Variants in ATP13A4 observed in about 807,000 individuals in gnomAD.
The protein encoded by ATP13A4 is probable cation-transporting ATPase 13A4.
A neutral mutation model predicts 142.5 loss-of-function variants in ATP13A4; 114 were observed. That is an observed-to-expected ratio of 0.80 (90% CI 0.69 to 0.93). The LOEUF (loss-of-function observed/expected upper bound fraction) is 0.93, where lower values mean the gene tolerates loss of function less well. Ranked by LOEUF, ATP13A4 falls within the 40% of genes least tolerant of loss-of-function variation. The pLI is 0.00. For missense variants in ATP13A4, 1,392 were observed against 1,454.0 expected (o/e 0.96, Z 0.69); for synonymous variants, 488 against 514.8 (o/e 0.95, Z 0.70).
intron 25 of ATP13A4, among the ~76,000 whole-genome samples, chr3:193,433,065 T>C (rs1294176542): frequency 2.0e-5 from 3 of 152,224 alleles, no homozygotes; most frequent in Admixed American, 6.5e-5. Flanking sequence ...ATGATTGCAA[T>C]TGATGACTGA....
intron 1 of ATP13A4, among the ~76,000 whole-genome samples, chr3:193,588,385 G>A (rs779420308): frequency 2.6e-5 from 4 of 152,134 alleles, no homozygotes; most frequent in Non-Finnish European, 4.4e-5. Flanking sequence ...TCATCCCCTT[G>A]TAATCAGCTT....
At chr3:193,497,633 C>T (rs1216748926) in intron 3 of ATP13A4, among the ~76,000 whole-genome samples, 2 of 152,088 alleles carry the variant, frequency 1.3e-5, no homozygotes, top group African/African-American at 4.8e-5. Flanking sequence ...TATTGCAGTA[C>T]TATTCACAAT....
intron 2 of ATP13A4, among the ~76,000 whole-genome samples, chr3:193,512,254 G>C (rs563953026): frequency 3.3e-5 from 5 of 152,148 alleles, no homozygotes; most frequent in Non-Finnish European, 7.3e-5. Flanking sequence ...TTAAGTTCGC[G>C]TGGAGGGGTT....
chr3:193,567,943 A>ACTTT (rs1355681288), intron 2 of ATP13A4, among the ~76,000 whole-genome samples: 1 of 151,158 alleles, frequency 6.6e-6, no homozygotes, highest in African/African-American at 2.4e-5. Flanking sequence ...AAGCACCACC[A>ACTTT]CTTTCTTTCT....
intron 16 of ATP13A4, among the ~76,000 whole-genome samples, chr3:193,455,165 C>T (rs1479434809): frequency 4.6e-5 from 7 of 151,714 alleles, no homozygotes; most frequent in South Asian, 2.1e-4. Context: ...GGTGAAACCC[C>T]GTCTCTACTA....
chr3:193,438,582 A>C lies in ATP13A4; in HGVS notation c.2565T>G (p.Ala855=), dbSNP rs749807909. Residue 855 remains alanine (A), a splice_region_variant and synonymous_variant, in exon 23 of 30, where the codon GCT becomes GCG. Coordinates refer to ENST00000342695, the MANE Select transcript of ATP13A4 (RefSeq NM_032279.4). The part of the protein sequence containing the change: ...MCGDGANDCG[A]LKMAHVGISL... ...AGATGCCCACATGAGCCATTTTCAG[A>C]GCCTGAAAGCAAAGAATCAGCTTAC... 1 of 1,613,438 alleles carries C rather than the reference A, an allele frequency of 6.2e-7. No individual in the cohort carries two copies.
chr3:193,581,484 C>T (rs7650444), intron 2 of ATP13A4, among the ~76,000 whole-genome samples: 79,642 of 152,002 alleles, frequency 0.52, 21,579 homozygotes, highest in African/African-American at 0.66. Context: ...ATATGTATAG[C>T]GTTTCCACCA....
chr3:193,406,802 T>C (rs1324924019), intron 29 of ATP13A4, among the ~76,000 whole-genome samples: 1 of 151,958 alleles, frequency 6.6e-6, no homozygotes, highest in East Asian at 1.9e-4. Context: ...AAAAGTCAAA[T>C]CCACACAGTC....
chr3:193,436,932 G>C (rs1194873739), intron 23 of ATP13A4, among the ~76,000 whole-genome samples: 1 of 145,066 alleles, frequency 6.9e-6, no homozygotes, highest in Non-Finnish European at 1.5e-5. Flanking sequence ...GCGAAACCCC[G>C]TCTCTACTAA....
At chr3:193,411,175 T>C (rs1039102671) in intron 27 of ATP13A4, 105 bp from the exon 28 acceptor site, 6 of 811,340 alleles carry the variant, frequency 7.4e-6, no homozygotes, top group African/African-American at 1.7e-5. Context: ...ATTTACTTGA[T>C]TTCTACATCC....
intron 21 of ATP13A4, 125 bp downstream of exon 21, chr3:193,440,433 T>C: frequency 1.3e-6 from 2 of 1,526,324 alleles, no homozygotes; most frequent in Non-Finnish European, 1.8e-6. Flanking sequence ...CAAGTGATTA[T>C]CTCATGCAGC....
intron 2 of ATP13A4, among the ~76,000 whole-genome samples, chr3:193,560,988 C>G (rs1365745548): frequency 1.3e-5 from 2 of 152,208 alleles, no homozygotes; most frequent in African/African-American, 4.8e-5. Flanking sequence ...TGGCTAAGCT[C>G]CAATCAGAAA....
At chr3:193,501,760 A>C (rs1720556518) in intron 3 of ATP13A4, among the ~76,000 whole-genome samples, 1 of 152,148 alleles carries the variant, frequency 6.6e-6, no homozygotes, top group Non-Finnish European at 1.5e-5. Flanking sequence ...AATGTTTTTA[A>C]TATGAATGTT....
At position 193,567,418 on chromosome 3, in the gene ATP13A4, G is replaced by T. The variant is rs201154272; in HGVS notation, n.291+14289C>A. 2.6e-5 allele frequency among the ~76,000 whole-genome samples: 4 copies of T among 152,098 alleles called. No individual in the cohort carries two copies. The East Asian group carries it at 7.7e-4, about 29-fold the overall frequency. ...AGTAAATGTATTAAAAATATATTTT[G>T]CTATAGCATCATGTAGTTAAGTTCT... On this transcript the variant is annotated intron_variant and non_coding_transcript_variant, in intron 2 of 3. Transcript: ENST00000489140.
chr3:193,411,193 A>C (rs1341778615), intron 27 of ATP13A4, 123 bp from the exon 28 acceptor site: 2 of 737,352 alleles, frequency 2.7e-6, no homozygotes, highest in African/African-American at 3.4e-5. Context: ...TCCAAATACT[A>C]GATGGAAAGT....
intron 8 of ATP13A4, among the ~76,000 whole-genome samples, chr3:193,481,169 G>A (rs924245915): frequency 2.6e-5 from 4 of 152,208 alleles, no homozygotes; most frequent in African/African-American, 9.6e-5. Context: ...CACACTGGGT[G>A]CAGTGTACAC....
At chr3:193,503,960 G>A (rs1421193681) in intron 2 of ATP13A4, among the ~76,000 whole-genome samples, 2 of 150,610 alleles carry the variant, frequency 1.3e-5, no homozygotes, top group Non-Finnish European at 3.0e-5. Context: ...ATGCATGTCT[G>A]CACTTCAGCC....
intron 18 of ATP13A4, among the ~76,000 whole-genome samples, chr3:193,443,016 G>A (rs893063537): frequency 6.6e-6 from 1 of 152,192 alleles, no homozygotes; most frequent in African/African-American, 2.4e-5. Context: ...AAAGCAGGCA[G>A]ATGGTGGGAG....
intron 18 of ATP13A4, among the ~76,000 whole-genome samples, chr3:193,443,970 G>A (rs1328652243): frequency 1.4e-4 from 21 of 151,984 alleles, no homozygotes; most frequent in Admixed American, 1.4e-3. Context: ...TCATATTCAT[G>A]TCATTAGAGT....
Sources: allele counts gnomAD v4.1 joint callset (sites outside exome capture counted in the v4.1 genomes callset), GRCh38; gene constraint gnomAD v4.1.1; transcripts MANE v1.5; gene names NCBI Gene and HGNC (gene_info 2026-07-23, HGNC 2026-07-21).